COLEC12: variants seen among roughly 807,000 people sequenced by gnomAD.
The protein encoded by COLEC12 is collectin-12.
Under a neutral mutation model 71.1 loss-of-function variants are expected in COLEC12, and 33 were observed. That is an observed-to-expected ratio of 0.46 (90% CI 0.35 to 0.62). The LOEUF is 0.62. Ranked by LOEUF, COLEC12 falls within the 20% of genes least tolerant of loss-of-function variation. The probability of loss-of-function intolerance (pLI) is 0.00; values close to 1 mark genes in which losing one functional copy is unlikely to be tolerated. For synonymous variants in COLEC12, 350 were observed against 353.0 expected (o/e 0.99, Z 0.10); for missense variants, 765 against 916.1 (o/e 0.84, Z 2.13).
chr18:488,912 G>A (rs1403302656), intron 1 of COLEC12, among the ~76,000 whole-genome samples: 1 of 151,888 alleles, frequency 6.6e-6, no homozygotes, highest in Non-Finnish European at 1.5e-5. Flanking sequence ...TCAATTTAGA[G>A]GGTCCAATGT....
rs897937676 is a variant in COLEC12, at chr18:318,416, T to C, written c.*1629A>G. On this transcript the variant is annotated 3_prime_UTR_variant, in exon 10 of 10. Coordinates refer to ENST00000400256, the MANE Select transcript of COLEC12 (RefSeq NM_130386.3). ...ATATTTAATGCCTAGTTTCAGCCCT[T>C]TTCATATTAGACTTTCCAACAGCAA... The C allele has an allele frequency of 3.9e-5, 6 of 152,134 alleles. No homozygotes were observed. The highest frequency in any genetic ancestry group is 8.8e-5 in the Non-Finnish European group (6 of 68,054). The allele number at this position is 152,134 out of a possible 1,614,324, so 9.4% of individuals were successfully genotyped here.
chr18:460,560 A>T (rs139095984), intron 2 of COLEC12, among the ~76,000 whole-genome samples: 1 of 152,222 alleles, frequency 6.6e-6, no homozygotes, highest in Non-Finnish European at 1.5e-5. Context: ...AAACACCAGT[A>T]CATTGCGTGT....
At position 387,552 on chromosome 18, in the gene COLEC12, T is replaced by C. The variant is rs559527641; in HGVS notation, c.59-30030A>G. On this transcript the variant is annotated intron_variant, in intron 2 of 9. Coordinates refer to ENST00000400256, the MANE Select transcript of COLEC12 (RefSeq NM_130386.3). The stretch of plus-strand genomic sequence containing the variant: ...TTCCACCAGTAAAATATGGTGGACA[T>C]GTTTGAAGGCGTCAATGACATAGTG... Among the ~76,000 whole-genome samples, 10 of 152,206 alleles carry C rather than the reference T, an allele frequency of 6.6e-5. No individual in the cohort carries two copies. The South Asian group carries it at 2.1e-3, about 32-fold the overall frequency.
At position 362,240 on chromosome 18, in the gene COLEC12, C is replaced by T. The variant is rs1914762873; in HGVS notation, c.59-4718G>A. On this transcript the variant is annotated intron_variant, in intron 2 of 9. Transcript: ENST00000400256. The surrounding 1 kb of genome is among the most constrained non-coding windows in gnomAD (Gnocchi z 4.6). ...TCCTCACCGTGTGCATTTCTCACTG[C>T]TGACTCTATCAGCATTTAATCAATA... 6.6e-6 allele frequency among the ~76,000 whole-genome samples: 1 copy of T among 152,200 alleles called. No individual in the cohort carries two copies. The highest frequency in any genetic ancestry group is 1.5e-5 in the Non-Finnish European group (1 of 68,034).
Position 357,441 on chromosome 18 carries a change from C to G in COLEC12, c.140G>C (p.Cys47Ser). The G allele has an allele frequency of 6.2e-7, 1 of 1,603,484 alleles. No individual in the cohort carries two copies. The highest frequency in any genetic ancestry group is 8.5e-7 in the Non-Finnish European group (1 of 1,176,194). Residue 47 changes from cysteine (C) to serine (S), a missense_variant, in exon 3 of 10, where the codon TGT (cysteine) becomes TCT (serine). Transcript: ENST00000400256. ...KFSIILLYIL[C>S]ALLTITVAIL... Reference sequence around the variant, plus strand: ...GGCTACTGTGATTGTTAGCAAGGCACACAAAATGTATAATAATATGATAGA... The same window carrying G: ...GGCTACTGTGATTGTTAGCAAGGCAGACAAAATGTATAATAATATGATAGA...
chr18:386,635 T>C (rs957076765), intron 2 of COLEC12, among the ~76,000 whole-genome samples: 3 of 152,186 alleles, frequency 2.0e-5, no homozygotes, highest in Admixed American at 1.3e-4. Context: ...CACACATTCA[T>C]AGCAGCCAGG....
At position 498,138 on chromosome 18, in the gene COLEC12, G is replaced by GT. The variant is rs574518686; in HGVS notation, c.7+2369dup. 1.8e-3 allele frequency among the ~76,000 whole-genome samples: 278 copies of GT among 152,176 alleles called. 1 individual carries two copies. Among genetic ancestry groups the GT allele is most frequent in the African/African-American group, 6.4e-3 (264 of 41,510 alleles). ...CCAGTTCCTATTTCTTCTAGACTCA[G>GT]TTTTCATACCTATACTGTTAGGATT... is the stretch of plus-strand genomic sequence containing the variant. On this transcript the variant is annotated intron_variant, in intron 1 of 9. Transcript: ENST00000400256.
rs1917402735 is a variant in COLEC12, at chr18:480,903, G to A, written c.8-146C>T. On this transcript the variant is annotated intron_variant, in intron 1 of 9. Transcript: ENST00000400256. The surrounding 1 kb of genome is among the most constrained non-coding windows in gnomAD (Gnocchi z 4.1). ...GATCGCACCAGGCTTTCTGGAAGAG[G>A]CGGCAGGGGTCTCCACCCTGGCTGC... The A allele has an allele frequency of 4.0e-6, 3 of 745,380 alleles. No individual in the cohort carries two copies. The highest frequency in any genetic ancestry group is 1.7e-5 in the African/African-American group (1 of 58,552). The allele number at this position is 745,380 out of a possible 1,614,324, so 46.2% of individuals were successfully genotyped here.
chr18:388,820 C>T (rs1915400081), intron 2 of COLEC12, among the ~76,000 whole-genome samples: 1 of 152,168 alleles, frequency 6.6e-6, no homozygotes. Flanking sequence ...GTAATCCTGG[C>T]AATGAAGAGG....
rs181659341 is a variant in COLEC12, at chr18:375,464, G to A, written c.59-17942C>T. 1.0e-3 allele frequency among the ~76,000 whole-genome samples: 156 copies of A among 152,148 alleles called. 1 individual carries two copies. Among genetic ancestry groups the A allele is most frequent in the African/African-American group, 3.6e-3 (149 of 41,496 alleles). On this transcript the variant is annotated intron_variant, in intron 2 of 9. Transcript: ENST00000400256. ...GAAAAATGCAATCCTCCTCCCCCATGCCTCCATCTCCCTTTCTTGTTTATT... is the reference window on the plus strand; with the variant it reads ...GAAAAATGCAATCCTCCTCCCCCATACCTCCATCTCCCTTTCTTGTTTATT...
chr18:368,643 T>G (rs1218973627), intron 2 of COLEC12, among the ~76,000 whole-genome samples: 1 of 151,592 alleles, frequency 6.6e-6, no homozygotes, highest in Non-Finnish European at 1.5e-5. Flanking sequence ...GGTGGGCGGA[T>G]CATGAGGTCA....
chr18:475,783 C>A (rs1449488910), intron 2 of COLEC12, among the ~76,000 whole-genome samples: 1 of 152,118 alleles, frequency 6.6e-6, no homozygotes, highest in African/African-American at 2.4e-5. Flanking sequence ...AGAAACAGCT[C>A]AATAATTTAA....
chr18:380,873 G>A (rs941808506), intron 2 of COLEC12, among the ~76,000 whole-genome samples: 10 of 152,136 alleles, frequency 6.6e-5, no homozygotes, highest in African/African-American at 2.2e-4. Flanking sequence ...AGTGAGAGAC[G>A]GCAGAAAGAA....
At chr18:484,694 A>G (rs1917487039) in intron 1 of COLEC12, among the ~76,000 whole-genome samples, 1 of 152,086 alleles carries the variant, frequency 6.6e-6, no homozygotes, top group African/African-American at 2.4e-5. Flanking sequence ...CAAAGAGAAG[A>G]AAAAAAATGG....
chr18:348,224 C>A, intron 3 of COLEC12, 61 bp from the exon 4 acceptor site: 2 of 1,041,512 alleles, frequency 1.9e-6, no homozygotes, highest in Admixed American at 1.8e-5. Flanking sequence ...TTTTCAGTTT[C>A]AAAACAAGAG....
intron 2 of COLEC12, among the ~76,000 whole-genome samples, chr18:395,499 C>T (rs1468227463): frequency 1.3e-5 from 2 of 152,096 alleles, no homozygotes; most frequent in East Asian, 1.9e-4. Flanking sequence ...CCTTTTCAAA[C>T]GATAGAAACA....
intron 2 of COLEC12, among the ~76,000 whole-genome samples, chr18:438,234 C>T (rs1418031435): frequency 1.3e-5 from 2 of 152,192 alleles, no homozygotes; most frequent in African/African-American, 2.4e-5. Context: ...AAACCTCATG[C>T]TATTACAACC....
intron 2 of COLEC12, among the ~76,000 whole-genome samples, chr18:479,526 A>ACTCTCTCTCT (rs541393393): frequency 6.9e-6 from 1 of 144,180 alleles, no homozygotes; most frequent in African/African-American, 2.6e-5. Context: ...TCATTTTCAT[A>ACTCTCTCTCT]CTCTCTCTCT....
At chr18:446,186 C>T (rs942411683) in intron 2 of COLEC12, among the ~76,000 whole-genome samples, 1 of 152,022 alleles carries the variant, frequency 6.6e-6, no homozygotes, top group African/African-American at 2.4e-5. Context: ...ATGAATAATG[C>T]TGTTATGAAC....
Sources: allele counts gnomAD v4.1 joint callset (sites outside exome capture counted in the v4.1 genomes callset), GRCh38; gene constraint gnomAD v4.1.1; non-coding constraint Gnocchi (gnomAD v3.1); transcripts MANE v1.5; gene names NCBI Gene and HGNC (gene_info 2026-07-23, HGNC 2026-07-21).